Variants in ADAM22 observed in about 807,000 individuals in gnomAD.
ADAM22 encodes the protein ADAM metallopeptidase domain 22.
Under a neutral mutation model 144.6 loss-of-function variants are expected in ADAM22, and 65 were observed. The observed-to-expected ratio is 0.45, with a 90% CI of 0.37 to 0.55. The LOEUF (loss-of-function observed/expected upper bound fraction) is 0.55. Among genes scored for constraint, ADAM22 ranks in the 20% least tolerant of loss-of-function variants. ADAM22 has a pLI of 0.00. For missense variants in ADAM22, 974 were observed against 1,184.9 expected, an observed-to-expected ratio of 0.82 and a Z score of 2.61; for synonymous variants, 391 against 412.6, an observed-to-expected ratio of 0.95 and a Z score of 0.63.
chr7:88,148,931 T>A (rs770556662), intron 17 of ADAM22, 46 bp from the exon 18 acceptor site: 70 of 1,435,326 alleles, frequency 4.9e-5, no homozygotes, highest in Non-Finnish European at 9.6e-7. Flanking sequence ...TTGTAAGATT[T>A]TTTTTTCTCC....
chr7:87,934,906 G>C (rs1484388350), intron 1 of ADAM22, 120 bp from the exon 2 acceptor site: 39 of 1,408,056 alleles, frequency 2.8e-5, no homozygotes, highest in Non-Finnish European at 3.5e-5. Context: ...TTCCGAGAGG[G>C]AGGGGGCGGT....
chr7:88,008,585 T>C (rs542767518), intron 3 of ADAM22, among the ~76,000 whole-genome samples: 151 of 151,440 alleles, frequency 1.0e-3, no homozygotes, highest in African/African-American at 3.5e-3. Flanking sequence ...AAATGATGAG[T>C]TCATGTCCTT....
intron 3 of ADAM22, among the ~76,000 whole-genome samples, chr7:88,060,766 C>CAAA (rs72497035): frequency 2.6e-5 from 2 of 76,374 alleles, no homozygotes; most frequent in African/African-American, 4.6e-5. Flanking sequence ...GACTCCATCT[C>CAAA]AAAAAAAAAA....
chr7:88,119,013 C>T (rs934196380), intron 7 of ADAM22, among the ~76,000 whole-genome samples: 2 of 152,138 alleles, frequency 1.3e-5, no homozygotes, highest in Admixed American at 6.6e-5. Context: ...TTATCAACAT[C>T]ATCATCTTGT....
Position 88,137,797 on chromosome 7 carries a change from C to A in ADAM22, c.1220+1766C>A, listed in dbSNP as rs527641487. 1.8e-4 allele frequency among the ~76,000 whole-genome samples: 28 copies of A among 152,164 alleles called. No individual in the cohort carries two copies. The South Asian group carries it at 5.8e-3, about 32-fold the overall frequency. ...CTTGATTGTGTTTGAATTTTGAACTCGCAGGATATGTATAACGAGGAAAAT... is the reference window on the plus strand; with the variant it reads ...CTTGATTGTGTTTGAATTTTGAACTAGCAGGATATGTATAACGAGGAAAAT... On this transcript the variant is annotated intron_variant, in intron 14 of 31. Coordinates refer to ENST00000413139, the MANE Select transcript of ADAM22 (RefSeq NM_001324418.2).
chr7:87,994,383 G>T (rs1172143024), intron 3 of ADAM22, among the ~76,000 whole-genome samples: 1 of 152,032 alleles, frequency 6.6e-6, no homozygotes, highest in Non-Finnish European at 1.5e-5. Context: ...GGATGGTCTC[G>T]ATCTCCTGAC....
At chr7:88,186,204 A>G in intron 29 of ADAM22, 1 of 216,264 alleles carries the variant, frequency 4.6e-6, no homozygotes, top group South Asian at 7.1e-5. Flanking sequence ...CAAATGCCAG[A>G]TTGGAATTGC....
chr7:87,958,907 C>T (rs1847425430), intron 2 of ADAM22, among the ~76,000 whole-genome samples: 1 of 152,032 alleles, frequency 6.6e-6, no homozygotes, highest in African/African-American at 2.4e-5. Flanking sequence ...ATCTGTATAG[C>T]AAATATTTAT....
At chr7:87,941,680 C>T (rs2299189) in intron 2 of ADAM22, among the ~76,000 whole-genome samples, 30,748 of 151,896 alleles carry the variant, frequency 0.2, 3,622 homozygotes, top group African/African-American at 0.3. Flanking sequence ...AATTCAGAAT[C>T]GTAGGAGTTT....
chr7:88,114,749 T>G (rs1827332785), intron 6 of ADAM22, 102 bp downstream of exon 6: 6 of 1,147,412 alleles, frequency 5.2e-6, no homozygotes, highest in Non-Finnish European at 7.4e-6. Flanking sequence ...TTTATATTTT[T>G]TAGGGTTAAG....
chr7:88,088,433 C>T (rs1337503330), intron 4 of ADAM22, among the ~76,000 whole-genome samples: 1 of 150,210 alleles, frequency 6.7e-6, no homozygotes, highest in African/African-American at 2.5e-5. Flanking sequence ...TCCATTTCTT[C>T]TTTCTTAAAA....
chr7:88,072,999 G>C (rs1415414939), intron 3 of ADAM22, among the ~76,000 whole-genome samples: 1 of 152,048 alleles, frequency 6.6e-6, no homozygotes, highest in African/African-American at 2.4e-5. Flanking sequence ...TACTCATGAT[G>C]AAGACAAAAA....
chr7:87,970,746 C>T (rs553435252), intron 2 of ADAM22, among the ~76,000 whole-genome samples: 42 of 152,284 alleles, frequency 2.8e-4, no homozygotes, highest in Middle Eastern at 3.4e-3. Context: ...ATTAATTCCG[C>T]ATTTTAATTT....
chr7:88,179,034 T>A lies in ADAM22; in HGVS notation c.2400T>A (p.Ser800=). ...TCAGCACAAACTCAGCATCTAGTTCTAAGAAGAGGTCTGCTTTTCTGTCGC... is the reference window on the plus strand; with the variant it reads ...TCAGCACAAACTCAGCATCTAGTTCAAAGAAGAGGTCTGCTTTTCTGTCGC... The part of the protein sequence containing the change: ...PGVSTNSASS[S]KKRSAFLSHF... Residue 800 remains serine (S), a synonymous_variant, in exon 27 of 32, where the codon TCT becomes TCA. Coordinates refer to ENST00000413139, the MANE Select transcript of ADAM22 (RefSeq NM_001324418.2). 6.2e-7 allele frequency: 1 copy of A among 1,612,886 alleles called. No homozygotes were observed. The highest frequency in any genetic ancestry group is 8.5e-7 in the Non-Finnish European group (1 of 1,179,000).
At chr7:88,037,593 T>C (rs1010997769) in intron 3 of ADAM22, among the ~76,000 whole-genome samples, 3 of 152,124 alleles carry the variant, frequency 2.0e-5, no homozygotes, top group South Asian at 2.1e-4. Flanking sequence ...ATGTGTTTTA[T>C]TTTTTTATTT....
At chr7:87,940,582 T>C (rs1842289969) in intron 2 of ADAM22, among the ~76,000 whole-genome samples, 1 of 152,238 alleles carries the variant, frequency 6.6e-6, no homozygotes, top group South Asian at 2.1e-4. Context: ...TACTGTATGG[T>C]TACTTGAATG....
rs1174367768 is a variant in ADAM22 at position 88,200,517 on chromosome 7, G to C, written c.*4026G>C. ...GCGTGTTGTAAATATCACCCTACCA[G>C]TTGGTAAGTTGGCATGAATTTTCCA... On this transcript the variant is annotated 3_prime_UTR_variant, in exon 32 of 32. Transcript: ENST00000413139. 6.6e-6 allele frequency: 1 copy of C among 152,240 alleles called. No homozygotes were observed. Among genetic ancestry groups the C allele is most frequent in the African/African-American group, 2.4e-5 (1 of 41,470 alleles). 9.4% of individuals were successfully genotyped at this position (152,240 alleles called of 1,614,324 possible). A position where few individuals can be genotyped will look rare whatever the true frequency, so the allele number is the denominator to read the frequency against.
At chr7:87,946,299 T>C (rs1843668456) in intron 2 of ADAM22, among the ~76,000 whole-genome samples, 1 of 152,220 alleles carries the variant, frequency 6.6e-6, no homozygotes, top group Admixed American at 6.5e-5. Context: ...CATAGTTTGC[T>C]AATATTTTGT....
intron 23 of ADAM22, among the ~76,000 whole-genome samples, chr7:88,163,814 G>A (rs1842328460): frequency 6.6e-6 from 1 of 152,068 alleles, no homozygotes; most frequent in Admixed American, 6.6e-5. Context: ...CTCTACTAGG[G>A]ATAAAGTTTT....
Sources: gnomAD v4.1 joint callset for allele counts (sites outside exome capture counted in the v4.1 genomes callset) on GRCh38, gnomAD v4.1.1 for gene constraint, MANE v1.5 for transcripts, NCBI Gene and HGNC (gene_info 2026-07-23, HGNC 2026-07-21) for gene names.